XRN2: variants seen among roughly 807,000 people sequenced by gnomAD.
XRN2 encodes the protein DHM1-like protein.
XRN2 carries 44 observed loss-of-function variants against 138.5 expected under a neutral mutation model. The observed-to-expected ratio is 0.32, with a 90% CI of 0.25 to 0.41. The LOEUF is 0.41. Ranked by LOEUF, XRN2 falls within the 10% of genes least tolerant of loss-of-function variation. The probability of loss-of-function intolerance (pLI) is 1.00; values close to 1 mark genes in which losing one functional copy is unlikely to be tolerated. For synonymous variants in XRN2, 354 were observed against 369.4 expected (o/e 0.96, Z 0.48); for missense variants, 937 against 1,169.3 (o/e 0.80, Z 2.90).
chr20:21,374,253 T>C (rs1459992609), intron 27 of XRN2, among the ~76,000 whole-genome samples: 1 of 152,208 alleles, frequency 6.6e-6, no homozygotes, highest in Non-Finnish European at 1.5e-5. Context: ...CACAATTATG[T>C]CATCTCCAAG....
intron 1 of XRN2, among the ~76,000 whole-genome samples, chr20:21,315,326 C>T (rs1325099880): frequency 6.6e-6 from 1 of 152,228 alleles, no homozygotes; most frequent in East Asian, 1.9e-4. Context: ...CTTGCCAACA[C>T]TTGTTATCTG....
At chr20:21,348,125 T>C (rs1398054389) in intron 17 of XRN2, 21 bp from the exon 18 acceptor site, 1 of 1,576,968 alleles carries the variant, frequency 6.3e-7, no homozygotes, top group South Asian at 1.2e-5. Context: ...GATTTTGTTG[T>C]TACTTTTTTA....
intron 3 of XRN2, among the ~76,000 whole-genome samples, chr20:21,327,902 A>G (rs535434930): frequency 5.6e-4 from 86 of 152,294 alleles, no homozygotes; most frequent in Non-Finnish European, 1.0e-3. Flanking sequence ...AAATCTTACA[A>G]TCTAGTTCAC....
In XRN2 at chr20:21,344,179, C is replaced by T; in HGVS notation, c.1500C>T (p.Asp500=). The T allele has an allele frequency of 6.2e-7, 1 of 1,613,202 alleles. No homozygotes were observed. Among genetic ancestry groups the T allele is most frequent in the Non-Finnish European group, 8.5e-7 (1 of 1,179,296 alleles). The change falls in exon 16 of 30, where the codon GAC becomes GAT. Residue 500 remains aspartate, a synonymous_variant. Transcript: ENST00000377191. ...GGIKRKAEDS[D]SEPEPEDNVR... is the part of the protein sequence containing the mutation. ...TTAAGCGAAAAGCAGAAGACAGTGA[C>T]AGTGAACCTGAGCCAGAGGATAATG...
chr20:21,333,573 T>C lies in XRN2; in HGVS notation c.888T>C (p.Cys296=), dbSNP rs1325257217. 6.2e-7 allele frequency: 1 copy of C among 1,613,636 alleles called. No homozygotes were observed. Among genetic ancestry groups the C allele is most frequent in the Non-Finnish European group, 8.5e-7 (1 of 1,179,642 alleles). The change falls in exon 10 of 30, where the codon TGT becomes TGC. Residue 296 remains cysteine (C), a synonymous_variant. Coordinates refer to ENST00000377191, the MANE Select transcript of XRN2 (RefSeq NM_012255.5). ...ATGAACTTGCCGATAGTCTTCCTTG[T>C]GCAGAAGGAGAGTTTATCTTCCTTC... ...KHDELADSLP[C]AEGEFIFLRL... is the part of the protein sequence containing the mutation.
intron 1 of XRN2, among the ~76,000 whole-genome samples, chr20:21,325,739 A>G (rs185295715): frequency 6.6e-6 from 1 of 152,350 alleles, no homozygotes; most frequent in East Asian, 1.9e-4. Flanking sequence ...GAGAATCATT[A>G]GAAAAATTAG....
intron 4 of XRN2, among the ~76,000 whole-genome samples, chr20:21,329,861 G>A (rs2038180072): frequency 5.1e-5 from 1 of 19,474 alleles, no homozygotes. Context: ...TAACTGGTGT[G>A]TGTGTGTGTG....
chr20:21,357,575 TACTC>T (rs993530184), intron 23 of XRN2, among the ~76,000 whole-genome samples, 157 bp from the exon 24 acceptor site: 2 of 152,326 alleles, frequency 1.3e-5, no homozygotes, highest in African/African-American at 2.4e-5. Context: ...ATGTGGTACT[TACTC>T]TTTTTTTTTA....
At chr20:21,331,132 A>G (rs2038201400) in intron 6 of XRN2, among the ~76,000 whole-genome samples, 1 of 152,172 alleles carries the variant, frequency 6.6e-6, no homozygotes, top group Non-Finnish European at 1.5e-5. Context: ...TGGCTTCCCT[A>G]TTAATGAGAA....
At position 21,335,641 on chromosome 20, in the gene XRN2, A is replaced by G. The variant is rs1030629051; in HGVS notation, c.1233+1456A>G. ...GCTTTGTCTGGAAGATCAGATGTCA[A>G]TTGGAACATTTTTAACTACTTTTTC... On this transcript the variant is annotated intron_variant, in intron 13 of 29. Transcript: ENST00000377191. Among the ~76,000 whole-genome samples, 13 of 152,220 alleles carry G rather than the reference A, an allele frequency of 8.5e-5. 1 individual carries two copies. In the South Asian group the frequency reaches 1.0e-3, roughly 12 times the overall value.
chr20:21,347,178 T>C (rs1475637387), intron 17 of XRN2, among the ~76,000 whole-genome samples: 1 of 152,168 alleles, frequency 6.6e-6, no homozygotes, highest in Non-Finnish European at 1.5e-5. Context: ...AATAACTGAG[T>C]AATGAATTGA....
At chr20:21,315,024 G>A (rs2037939215) in intron 1 of XRN2, among the ~76,000 whole-genome samples, 1 of 152,180 alleles carries the variant, frequency 6.6e-6, no homozygotes, top group Non-Finnish European at 1.5e-5. Context: ...CTGAAAGGCA[G>A]CCCACTCTGG....
chr20:21,320,560 A>G (rs991539791), intron 1 of XRN2, among the ~76,000 whole-genome samples: 1 of 151,362 alleles, frequency 6.6e-6, no homozygotes, highest in African/African-American at 2.4e-5. Context: ...TGGCCTCCCA[A>G]AGTGCTGGGA....
Position 21,352,122 on chromosome 20 carries a change from A to G in XRN2, c.1936+2661A>G, listed in dbSNP as rs187966576. Among the ~76,000 whole-genome samples, 52 of 152,318 alleles carry G rather than the reference A, an allele frequency of 3.4e-4. 1 individual carries two copies. The highest frequency in any genetic ancestry group is 3.4e-3 in the Middle Eastern group (1 of 294). On this transcript the variant is annotated intron_variant, in intron 20 of 29. Coordinates refer to ENST00000377191, the MANE Select transcript of XRN2 (RefSeq NM_012255.5). ...TTATATAAATATTTTTACTTAGCTTAGTAGCGAGAACACACTTTTCTTGAG... is the reference window on the plus strand; with the variant it reads ...TTATATAAATATTTTTACTTAGCTTGGTAGCGAGAACACACTTTTCTTGAG...
intron 1 of XRN2, among the ~76,000 whole-genome samples, chr20:21,318,908 A>G (rs1473629170): frequency 6.6e-6 from 1 of 152,104 alleles, no homozygotes; most frequent in Non-Finnish European, 1.5e-5. Flanking sequence ...TGTGCTAGAA[A>G]TATCTGTTAG....
intron 24 of XRN2, among the ~76,000 whole-genome samples, chr20:21,358,031 C>T (rs779556635): frequency 6.6e-6 from 1 of 152,164 alleles, no homozygotes; most frequent in African/African-American, 2.4e-5. Flanking sequence ...CCATGACAAC[C>T]TGTAATTCTT....
At chr20:21,368,659 T>G in intron 27 of XRN2, 69 bp downstream of exon 27, 1 of 1,579,600 alleles carries the variant, frequency 6.3e-7, no homozygotes. Context: ...GTTTCTAATC[T>G]TCTTTGCTGA....
intron 1 of XRN2, among the ~76,000 whole-genome samples, chr20:21,309,667 T>G (rs1444315721): frequency 6.6e-6 from 1 of 152,200 alleles, no homozygotes; most frequent in African/African-American, 2.4e-5. Flanking sequence ...TTGAATTGGC[T>G]GACATAAAGT....
At chr20:21,304,510 T>C (rs2037788067) in intron 1 of XRN2, among the ~76,000 whole-genome samples, 1 of 152,234 alleles carries the variant, frequency 6.6e-6, no homozygotes, top group African/African-American at 2.4e-5. Context: ...TGAACTTTAC[T>C]TGCACGTGGG....
Sources: allele counts gnomAD v4.1 joint callset (sites outside exome capture counted in the v4.1 genomes callset), GRCh38; gene constraint gnomAD v4.1.1; transcripts MANE v1.5; gene names NCBI Gene and HGNC (gene_info 2026-07-23, HGNC 2026-07-21).